Variants in SYN3 observed in about 807,000 individuals in gnomAD.
SYN3 encodes synapsin-3.
A neutral mutation model predicts 65.8 loss-of-function variants in SYN3; 35 were observed. The ratio of observed to expected loss-of-function variants is 0.53; its 90% confidence interval spans 0.41 to 0.70. SYN3 has a LOEUF of 0.70. SYN3 is among the 30% of genes least tolerant of loss of function. The pLI, the probability that SYN3 is intolerant of heterozygous loss-of-function variation, is 0.00. For missense variants in SYN3, 680 were observed against 749.0 expected (o/e 0.91, Z 1.08); for synonymous variants, 270 against 292.9 (o/e 0.92, Z 0.80).
At chr22:32,533,969 T>C in intron 9 of SYN3, 74 bp from the exon 10 acceptor site, 1 of 1,001,022 alleles carries the variant, frequency 1.0e-6, no homozygotes, top group South Asian at 1.4e-5. Flanking sequence ...AGAAGTGGAT[T>C]CACATGGAAA....
intron 6 of SYN3, among the ~76,000 whole-genome samples, chr22:32,614,994 T>C (rs1179119152): frequency 6.7e-6 from 1 of 149,956 alleles, no homozygotes; most frequent in Non-Finnish European, 1.5e-5. Flanking sequence ...ATACTGCCAA[T>C]GGGGAAGAAT....
chr22:32,768,270 T>A (rs1215524097), intron 6 of SYN3, among the ~76,000 whole-genome samples: 1 of 152,184 alleles, frequency 6.6e-6, no homozygotes, highest in Non-Finnish European at 1.5e-5. Flanking sequence ...AACTTTATAC[T>A]CCTTTTCTTT....
chr22:32,706,815 G>A (rs965965498), intron 6 of SYN3, among the ~76,000 whole-genome samples: 2 of 152,202 alleles, frequency 1.3e-5, no homozygotes, highest in Non-Finnish European at 2.9e-5. Flanking sequence ...AGTCCTGAAT[G>A]TTGTCCCAGG....
chr22:32,847,430 C>T (rs923753585), intron 6 of SYN3, among the ~76,000 whole-genome samples: 12 of 152,216 alleles, frequency 7.9e-5, no homozygotes, highest in African/African-American at 2.9e-4. Context: ...CGCTAAATTG[C>T]TCACTTTGCC....
chr22:32,965,987 C>T (rs1332319711), intron 3 of SYN3, among the ~76,000 whole-genome samples: 1 of 152,224 alleles, frequency 6.6e-6, no homozygotes, highest in Non-Finnish European at 1.5e-5. Context: ...GGCCACCGCG[C>T]CCGGCCAGAT....
At chr22:33,047,900 G>C (rs937972321) in intron 1 of SYN3, among the ~76,000 whole-genome samples, 11 of 147,522 alleles carry the variant, frequency 7.5e-5, no homozygotes, top group African/African-American at 2.8e-4. Flanking sequence ...CCAACACAGA[G>C]AGGTTAGGTA....
intron 6 of SYN3, among the ~76,000 whole-genome samples, chr22:32,618,170 G>A (rs1014222317): frequency 2.0e-5 from 3 of 152,092 alleles, no homozygotes; most frequent in African/African-American, 7.2e-5. Flanking sequence ...ATGATCGAAC[G>A]GACAGATCCA....
intron 4 of SYN3, 118 bp downstream of exon 4, chr22:32,931,272 T>C: frequency 4.3e-6 from 3 of 693,020 alleles, no homozygotes; most frequent in South Asian, 3.3e-5. Flanking sequence ...AGACATTCTG[T>C]ACAGGAAAGT....
At chr22:32,548,862 C>T (rs2058371715) in intron 7 of SYN3, among the ~76,000 whole-genome samples, 1 of 152,138 alleles carries the variant, frequency 6.6e-6, no homozygotes, top group Non-Finnish European at 1.5e-5. Context: ...TGCAGCACTA[C>T]GTGTAAAAGA....
rs2057666991 is a variant in SYN3, at chr22:32,509,430, A to C, written c.*4262T>G. 6.6e-6 allele frequency among the ~76,000 whole-genome samples: 1 copy of C among 152,092 alleles called. No homozygotes were observed. Among genetic ancestry groups the C allele is most frequent in the African/African-American group, 2.4e-5 (1 of 41,398 alleles). ...TTGCCCTTTCCCATTTCAAAATGTC[A>C]CAATTATTAAAGGTTACATGTTTGG... On this transcript the variant is annotated 3_prime_UTR_variant, in exon 14 of 14. Transcript: ENST00000358763.
At chr22:32,860,472 A>G (rs1465489099) in intron 6 of SYN3, 1 of 152,672 alleles carries the variant, frequency 6.5e-6, no homozygotes, top group African/African-American at 2.4e-5. Flanking sequence ...CCAATAGTTT[A>G]ATCTCTTCTA....
At chr22:32,628,266 T>A (rs2059697784) in intron 6 of SYN3, among the ~76,000 whole-genome samples, 1 of 152,160 alleles carries the variant, frequency 6.6e-6, no homozygotes, top group Non-Finnish European at 1.5e-5. Flanking sequence ...CTTTTCCCCT[T>A]GCTCTTGATG....
At chr22:32,591,434 T>G (rs1455212750) in intron 7 of SYN3, among the ~76,000 whole-genome samples, 1 of 152,248 alleles carries the variant, frequency 6.6e-6, no homozygotes, top group East Asian at 1.9e-4. Flanking sequence ...TGGGAATTTC[T>G]ACTTACTTTT....
Position 33,058,319 on chromosome 22 carries a change from C to T in SYN3, c.-190G>A, listed in dbSNP as rs1263356279. On this transcript the variant is annotated 5_prime_UTR_variant, in exon 1 of 14. Coordinates refer to ENST00000358763, the MANE Select transcript of SYN3 (RefSeq NM_003490.4). Reference sequence around the variant, plus strand: ...TGCGAGCCGCCAGGAACTCGGCGCCCGGTGGTGCCTCGGCGCGGCGCCCGC... The same window carrying T: ...TGCGAGCCGCCAGGAACTCGGCGCCTGGTGGTGCCTCGGCGCGGCGCCCGC... 1.3e-5 allele frequency: 2 copies of T among 149,676 alleles called. No individual in the cohort carries two copies. The highest frequency in any genetic ancestry group is 2.5e-5 in the African/African-American group (1 of 39,990). The allele number at this position is 149,676 out of a possible 1,614,324, so 9.3% of individuals were successfully genotyped here. A position where few individuals can be genotyped will look rare whatever the true frequency, so the allele number is the denominator to read the frequency against.
At chr22:32,777,438 T>C (rs2045935316) in intron 6 of SYN3, among the ~76,000 whole-genome samples, 3 of 152,078 alleles carry the variant, frequency 2.0e-5, no homozygotes, top group Admixed American at 2.0e-4. Context: ...GGAAGAAAAG[T>C]CCTGACTCGG....
At chr22:32,931,346 G>A (rs1413631540) in intron 4 of SYN3, 44 bp downstream of exon 4, 14 of 1,319,032 alleles carry the variant, frequency 1.1e-5, no homozygotes, top group Middle Eastern at 1.8e-4. Flanking sequence ...GAGGTTCCAC[G>A]TATGCAATTC....
At chr22:32,898,018 A>G (rs2049645825) in intron 4 of SYN3, among the ~76,000 whole-genome samples, 1 of 151,842 alleles carries the variant, frequency 6.6e-6, no homozygotes, top group Non-Finnish European at 1.5e-5. Flanking sequence ...TTTTTGAGAC[A>G]GAGTTTCGCT....
intron 6 of SYN3, among the ~76,000 whole-genome samples, chr22:32,769,125 C>T (rs190972498): frequency 4.6e-4 from 70 of 152,294 alleles, no homozygotes; most frequent in African/African-American, 1.3e-3. Context: ...CATTTCAACA[C>T]GCCATTGTAA....
intron 7 of SYN3, among the ~76,000 whole-genome samples, chr22:32,569,571 C>CTCTATATATATA (rs1205661126): frequency 4.4e-5 from 4 of 90,928 alleles, no homozygotes; most frequent in African/African-American, 1.5e-4. Flanking sequence ...CTCTCTCTCT[C>CTCTATATATATA]TATATATATA....
Sources: allele counts gnomAD v4.1 joint callset (sites outside exome capture counted in the v4.1 genomes callset), GRCh38; gene constraint gnomAD v4.1.1; transcripts MANE v1.5; gene names NCBI Gene and HGNC (gene_info 2026-07-23, HGNC 2026-07-21).